The following SLC17A9 variants were observed in gnomAD, a reference collection of about 807,000 sequenced individuals.
SLC17A9 encodes voltage-gated purine nucleotide uniporter SLC17A9.
SLC17A9 carries 49 observed loss-of-function variants against 55.0 expected under a neutral mutation model. That is an observed-to-expected ratio of 0.89 (90% CI 0.71 to 1.13). The LOEUF (loss-of-function observed/expected upper bound fraction) is 1.13. Among genes scored for constraint, SLC17A9 ranks in the 50% most tolerant of loss-of-function variants. The probability of loss-of-function intolerance (pLI) is 0.00; values close to 1 mark genes in which losing one functional copy is unlikely to be tolerated. For synonymous variants in SLC17A9, 256 were observed against 247.4 expected (o/e 1.03, Z -0.32); for missense variants, 526 against 569.3 (o/e 0.92, Z 0.77).
chr20:62,958,417 T>G lies in SLC17A9; in HGVS notation c.397+837T>G, dbSNP rs957592524. Reference sequence around the variant, plus strand: ...CGCCTTAACTGTCAGGAGAACAAGGTGGGTGGGGGGGCCAAGGGGGCTTTG... The same window carrying G: ...CGCCTTAACTGTCAGGAGAACAAGGGGGGTGGGGGGGCCAAGGGGGCTTTG... On this transcript the variant is annotated intron_variant, in intron 3 of 12. Coordinates refer to ENST00000370351, the MANE Select transcript of SLC17A9 (RefSeq NM_022082.4). The surrounding 1 kb of genome is among the most constrained non-coding windows in gnomAD (Gnocchi z 4.1). Among the ~76,000 whole-genome samples the G allele has an allele frequency of 2.5e-4, 36 of 143,962 alleles. No individual in the cohort carries two copies. The highest frequency in any genetic ancestry group is 3.4e-3 in the Middle Eastern group (1 of 292). 94.4% of individuals were successfully genotyped at this position (143,962 alleles called of 152,430 possible).
At position 62,962,587 on chromosome 20, in the gene SLC17A9, G is replaced by A. The variant is rs201255746; in HGVS notation, c.498-37G>A. ...GGCCCCTCCTCACCCGAGGGGTGCC[G>A]CTGAGGGGCCTGGCCACACTCCCCC... On this transcript the variant is annotated intron_variant, in intron 4 of 12. Coordinates refer to ENST00000370351, the MANE Select transcript of SLC17A9 (RefSeq NM_022082.4). The surrounding 1 kb of genome is among the most constrained non-coding windows in gnomAD (Gnocchi z 5.5). 2.0e-3 allele frequency: 3,181 copies of A among 1,609,140 alleles called. 4 individuals carry two copies. The highest frequency in any genetic ancestry group is 3.5e-3 in the Middle Eastern group (21 of 6,012).
chr20:62,956,522 C>T (rs550678554), intron 1 of SLC17A9, among the ~76,000 whole-genome samples: 2 of 152,210 alleles, frequency 1.3e-5, no homozygotes, highest in Non-Finnish European at 2.9e-5. Context: ...GTGACCTGCC[C>T]GAGTGCTGGC....
chr20:62,966,643 G>A lies in SLC17A9; in HGVS notation c.1118-60G>A, dbSNP rs2065642494. The A allele has an allele frequency of 3.7e-6, 6 of 1,613,878 alleles. No individual in the cohort carries two copies. The East Asian group carries it at 1.3e-4, about 36-fold the overall frequency. On this transcript the variant is annotated intron_variant, in intron 11 of 12. Transcript: ENST00000370351. ...GGGCCTCCGGGTGGGTGAGCCATGG[G>A]GGATCCCGGAGGGCTTTTGCTGACC...
chr20:62,957,010 T>G (rs2065542861), intron 2 of SLC17A9, 48 bp downstream of exon 2: 1 of 1,610,016 alleles, frequency 6.2e-7, no homozygotes, highest in African/African-American at 1.3e-5. Flanking sequence ...GCCGCCCCAC[T>G]GGGGCCTCCA....
At chr20:62,960,213 G>A (rs373077154) in intron 3 of SLC17A9, among the ~76,000 whole-genome samples, 25 of 152,406 alleles carry the variant, frequency 1.6e-4, no homozygotes, top group African/African-American at 5.0e-4. Flanking sequence ...GGAGGCCGGT[G>A]GTGAGAGTGT....
intron 7 of SLC17A9, 85 bp from the exon 8 acceptor site, chr20:62,964,143 G>C: frequency 7.2e-7 from 1 of 1,379,582 alleles, no homozygotes; most frequent in Non-Finnish European, 1.0e-6. Flanking sequence ...TGGTGGGCAC[G>C]GGGGCGCTGT....
chr20:62,955,959 A>G (rs540488598), intron 1 of SLC17A9, among the ~76,000 whole-genome samples: 112 of 152,382 alleles, frequency 7.3e-4, no homozygotes, highest in Non-Finnish European at 1.3e-3. Context: ...CAGGACAGAC[A>G]GCACTTCCTC....
In SLC17A9 at chr20:62,964,220, C is replaced by T. The variant is rs751106378; in HGVS notation, c.823-8C>T. 2.1e-5 allele frequency: 34 copies of T among 1,613,900 alleles called. No individual in the cohort carries two copies. The highest frequency in any genetic ancestry group is 3.3e-4 in the Middle Eastern group (2 of 6,082). ...TGGCCCCCTCTAAGGCCAAACTCCC[C>T]CCTGCAGGGCTGGATCTTCAACGTG... is the stretch of plus-strand genomic sequence containing the variant. On this transcript the variant is annotated splice_polypyrimidine_tract_variant and splice_region_variant and intron_variant, in intron 7 of 12. Transcript: ENST00000370351.
rs1166725707 is a variant in SLC17A9, at chr20:62,958,103, G to A, written c.397+523G>A. On this transcript the variant is annotated intron_variant, in intron 3 of 12. Transcript: ENST00000370351. This position sits in a 1 kb window ranked among gnomAD's most constrained non-coding sequence, Gnocchi z 4.1. ...TGTGTGTGTGCGTTCCTGTATCCAT[G>A]TGTATGTGCGTATGCGTGCCCATAT... Among the ~76,000 whole-genome samples the A allele has an allele frequency of 6.6e-6, 1 of 152,178 alleles. No homozygotes were observed. The highest frequency in any genetic ancestry group is 1.5e-5 in the Non-Finnish European group (1 of 68,024).
At position 62,962,785 on chromosome 20, in the gene SLC17A9, C is replaced by T. The variant is rs374907907; in HGVS notation, c.628+31C>T. The stretch of plus-strand genomic sequence containing the variant: ...GCAGGCCGGGCGGGCTAGTCCCGGG[C>T]GCCCACAGCTGCCCAGTGCCTCCTC... On this transcript the variant is annotated intron_variant, in intron 5 of 12. Transcript: ENST00000370351. This position sits in a 1 kb window ranked among gnomAD's most constrained non-coding sequence, Gnocchi z 5.5. The T allele has an allele frequency of 4.4e-5, 71 of 1,609,942 alleles. No individual in the cohort carries two copies. The highest frequency in any genetic ancestry group is 5.4e-5 in the Non-Finnish European group (64 of 1,177,660).
At chr20:62,967,242 C>T (rs1601101306) in intron 12 of SLC17A9, 95 bp from the exon 13 acceptor site, 3 of 1,479,412 alleles carry the variant, frequency 2.0e-6, no homozygotes, top group Middle Eastern at 1.9e-4. Context: ...GCTAGACCCC[C>T]AGCCCTTCCC....
intron 1 of SLC17A9, 78 bp from the exon 2 acceptor site, chr20:62,956,687 G>A (rs1010151608): frequency 4.4e-6 from 6 of 1,353,726 alleles, no homozygotes; most frequent in African/African-American, 2.9e-5. Context: ...CCAGCCCTGA[G>A]GGAGGTCTCT....
Position 62,967,511 on chromosome 20 carries a change from C to A in SLC17A9, c.*11C>A. 1 of 1,611,548 alleles carries A rather than the reference C, an allele frequency of 6.2e-7. No individual in the cohort carries two copies. Among genetic ancestry groups the A allele is most frequent in the African/African-American group, 1.3e-5 (1 of 74,970 alleles). Reference sequence around the variant, plus strand: ...CATGAGGACCTCTAGCTCCCAACCCCACAGCCTCTCCAAGGACCCAGGCGC... The same window carrying A: ...CATGAGGACCTCTAGCTCCCAACCCAACAGCCTCTCCAAGGACCCAGGCGC... On this transcript the variant is annotated 3_prime_UTR_variant, in exon 13 of 13. Coordinates refer to ENST00000370351, the MANE Select transcript of SLC17A9 (RefSeq NM_022082.4).
chr20:62,962,769 G>A lies in SLC17A9; in HGVS notation c.628+15G>A, dbSNP rs1209647218. ...GAGTGAAAAAGGTAACGCAGGCCGG[G>A]CGGGCTAGTCCCGGGCGCCCACAGC... On this transcript the variant is annotated intron_variant, in intron 5 of 12. Transcript: ENST00000370351. The surrounding 1 kb of genome is among the most constrained non-coding windows in gnomAD (Gnocchi z 5.5). 1 of 1,613,178 alleles carries A rather than the reference G, an allele frequency of 6.2e-7. No homozygotes were observed.
In SLC17A9 at chr20:62,968,641, C is replaced by T. The variant is rs151283303; in HGVS notation, c.*1141C>T. ...CACCTTTGTTTTTTAAGAATGAACACGTGTTAAAGACTTTCTGTAACTAAT... is the reference window on the plus strand; with the variant it reads ...CACCTTTGTTTTTTAAGAATGAACATGTGTTAAAGACTTTCTGTAACTAAT... On this transcript the variant is annotated 3_prime_UTR_variant, in exon 13 of 13. Transcript: ENST00000370351. 3 of 145,606 alleles carry T rather than the reference C, an allele frequency of 2.1e-5. No homozygotes were observed. The highest frequency in any genetic ancestry group is 5.0e-5 in the African/African-American group (2 of 40,186). The allele number at this position is 145,606 out of a possible 1,614,324, so 9.0% of individuals were successfully genotyped here. A position where few individuals can be genotyped will look rare whatever the true frequency, so the allele number is the denominator to read the frequency against.
intron 3 of SLC17A9, 35 bp downstream of exon 3, chr20:62,957,615 T>C: frequency 6.7e-7 from 1 of 1,485,622 alleles, no homozygotes; most frequent in Non-Finnish European, 9.0e-7. Context: ...TCACGCTCTC[T>C]GGCACCAGGT....
At chr20:62,967,098 A>C (rs1372613820) in intron 12 of SLC17A9, 1 of 589,926 alleles carries the variant, frequency 1.7e-6, no homozygotes, top group Non-Finnish European at 3.0e-6. Context: ...AGCGGGACAA[A>C]GGGGACTTGT....
chr20:62,965,296 C>A, intron 9 of SLC17A9, 130 bp downstream of exon 9: 1 of 1,232,332 alleles, frequency 8.1e-7, no homozygotes, highest in Non-Finnish European at 1.2e-6. Flanking sequence ...CTCCATGTGT[C>A]CAGCACTGGG....
intron 1 of SLC17A9, among the ~76,000 whole-genome samples, chr20:62,954,128 C>G (rs957469239): frequency 3.4e-5 from 4 of 118,376 alleles, no homozygotes; most frequent in African/African-American, 1.4e-4. Flanking sequence ...GAGCCCTTGC[C>G]GCAGCCTTCA....
Sources: allele counts gnomAD v4.1 joint callset (sites outside exome capture counted in the v4.1 genomes callset), GRCh38; gene constraint gnomAD v4.1.1; non-coding constraint Gnocchi (gnomAD v3.1); transcripts MANE v1.5; gene names NCBI Gene and HGNC (gene_info 2026-07-23, HGNC 2026-07-21).